The following SLC9B1 variants were observed in gnomAD, a reference collection of about 807,000 sequenced individuals.
SLC9B1 encodes sodium/hydrogen exchanger 9B1.
Under a neutral mutation model 51.7 loss-of-function variants are expected in SLC9B1, and 32 were observed. The ratio of observed to expected loss-of-function variants is 0.62; its 90% CI spans 0.47 to 0.83. SLC9B1 has a LOEUF of 0.83. SLC9B1 is among the 40% of genes least tolerant of loss of function. The pLI, the probability that SLC9B1 is intolerant of heterozygous loss-of-function variation, is 0.00. For missense variants in SLC9B1, 406 were observed against 613.2 expected (o/e 0.66, Z 3.57); for synonymous variants, 145 against 212.7 (o/e 0.68, Z 2.77).
chr4:102,941,639 CAAAAAAAAAAAAA>C (rs34497777), intron 6 of SLC9B1, among the ~76,000 whole-genome samples: 1 of 81,820 alleles, frequency 1.2e-5, no homozygotes, highest in Non-Finnish European at 2.4e-5. Context: ...GACTCCGTCT[CAAAAAAAAAAAAA>C]AAAAAAAAAC....
At chr4:102,887,233 AT>A (rs978786661) in intron 11 of SLC9B1, 11 of 700,178 alleles carry the variant, frequency 1.6e-5, no homozygotes, top group Non-Finnish European at 2.6e-5. Context: ...AAACGATCTG[AT>A]TTTTTTTAGC....
intron 2 of SLC9B1, among the ~76,000 whole-genome samples, chr4:102,991,159 G>T (rs757584902): frequency 4.6e-5 from 7 of 151,900 alleles, no homozygotes; most frequent in Non-Finnish European, 8.8e-5. Context: ...CTTAAGAACT[G>T]TAGAAATCTC....
At chr4:102,955,899 A>G (rs76373928) in intron 3 of SLC9B1, among the ~76,000 whole-genome samples, 4,921 of 107,920 alleles carry the variant, frequency 0.046, 142 homozygotes, top group East Asian at 0.12. Context: ...GAAAGAAAGA[A>G]AGAGAGAGAA....
chr4:102,962,992 A>G, intron 3 of SLC9B1: 13 of 460,364 alleles, frequency 2.8e-5, no homozygotes, highest in South Asian at 2.0e-4. Flanking sequence ...ATGAATACAA[A>G]ACTGTCCCAT....
intron 11 of SLC9B1, among the ~76,000 whole-genome samples, chr4:102,886,196 G>A (rs748073204): frequency 1.3e-5 from 2 of 152,020 alleles, no homozygotes; most frequent in Non-Finnish European, 2.9e-5. Flanking sequence ...TTTAAAAAAC[G>A]AATACACGCA....
intron 11 of SLC9B1, among the ~76,000 whole-genome samples, chr4:102,885,999 G>T (rs1459951889): frequency 6.6e-6 from 1 of 152,114 alleles, no homozygotes; most frequent in Non-Finnish European, 1.5e-5. Context: ...TCTGTTTCTT[G>T]TACTTGATCA....
chr4:102,979,583 A>G (rs908549466), intron 3 of SLC9B1, among the ~76,000 whole-genome samples: 1 of 152,048 alleles, frequency 6.6e-6, no homozygotes, highest in Non-Finnish European at 1.5e-5. Context: ...TGTTTACTCC[A>G]TTTTTCCAAG....
chr4:102,980,218 C>A (rs1411520734), intron 3 of SLC9B1, among the ~76,000 whole-genome samples: 1 of 152,090 alleles, frequency 6.6e-6, no homozygotes, highest in Admixed American at 6.6e-5. Context: ...GCAGAAATAC[C>A]ATTTGACCCA....
In SLC9B1 at chr4:103,015,392, C is replaced by T. The variant is rs1041500534; in HGVS notation, c.-2+4207G>A. Among the ~76,000 whole-genome samples the T allele has an allele frequency of 2.6e-5, 4 of 151,842 alleles. No homozygotes were observed. In the East Asian group the frequency reaches 7.7e-4, roughly 29 times the overall value. ...GAACTGTTTCACAGTAAAATGGTAA[C>T]CCATTGACCTAGAAAGTCAAGATAT... On this transcript the variant is annotated intron_variant, in intron 1 of 11. Transcript: ENST00000296422.
intron 9 of SLC9B1, among the ~76,000 whole-genome samples, 160 bp downstream of exon 9, chr4:102,910,279 C>T (rs1735276473): frequency 6.6e-6 from 1 of 152,072 alleles, no homozygotes; most frequent in South Asian, 2.1e-4. Flanking sequence ...TTTCCAGGTG[C>T]TTTTCCTAAA....
intron 6 of SLC9B1, 50 bp from the exon 7 acceptor site, chr4:102,932,349 G>C: frequency 6.7e-7 from 1 of 1,491,176 alleles, no homozygotes; most frequent in Non-Finnish European, 9.2e-7. Flanking sequence ...AAATCAAGTA[G>C]TGTTTTATAA....
chr4:102,900,098 C>T (rs1310388652), downstream of SLC9B1, among the ~76,000 whole-genome samples: 1 of 152,046 alleles, frequency 6.6e-6, no homozygotes, highest in Non-Finnish European at 1.5e-5. Context: ...ATTTTAATAC[C>T]TTGCTTGTGG....
chr4:102,892,667 CA>C (rs1560911130), intron 11 of SLC9B1: 1 of 152,076 alleles, frequency 6.6e-6, no homozygotes, highest in African/African-American at 2.4e-5. Flanking sequence ...ATAGATCAGC[CA>C]TAATGTTAAC....
At chr4:102,977,596 C>T (rs1378150010) in intron 3 of SLC9B1, among the ~76,000 whole-genome samples, 2 of 152,092 alleles carry the variant, frequency 1.3e-5, no homozygotes, top group African/African-American at 4.8e-5. Flanking sequence ...ATGTTGAGAA[C>T]GTTTTTGGGA....
intron 3 of SLC9B1, among the ~76,000 whole-genome samples, chr4:102,986,468 C>T (rs926091670): frequency 6.6e-6 from 1 of 151,990 alleles, no homozygotes; most frequent in African/African-American, 2.4e-5. Context: ...GACATTTACC[C>T]TGTTTGGTCT....
At chr4:102,941,639 CAAAAAAAAAA>C (rs34497777) in intron 6 of SLC9B1, among the ~76,000 whole-genome samples, 1 of 81,820 alleles carries the variant, frequency 1.2e-5, no homozygotes, top group Non-Finnish European at 2.4e-5. Context: ...GACTCCGTCT[CAAAAAAAAAA>C]AAAAAAAAAA....
chr4:102,961,960 C>T (rs1484840539), intron 3 of SLC9B1: 1 of 248,226 alleles, frequency 4.0e-6, no homozygotes, highest in South Asian at 4.9e-5. Flanking sequence ...CCAAGCATGG[C>T]GGGGTTCCTG....
intron 9 of SLC9B1, among the ~76,000 whole-genome samples, chr4:102,909,231 G>A (rs1407611570): frequency 1.3e-5 from 2 of 151,724 alleles, no homozygotes; most frequent in Non-Finnish European, 2.9e-5. Flanking sequence ...GCGATGTCAA[G>A]TTGGGAGGAT....
chr4:102,932,019 A>C (rs1736482439), intron 7 of SLC9B1, 105 bp downstream of exon 7: 17 of 1,042,746 alleles, frequency 1.6e-5, no homozygotes, highest in Non-Finnish European at 2.4e-5. Flanking sequence ...TGTTAAATTG[A>C]ACAGTCTTGG....
Sources: gnomAD v4.1 joint callset for allele counts (sites outside exome capture counted in the v4.1 genomes callset) on GRCh38, gnomAD v4.1.1 for gene constraint, MANE v1.5 for transcripts, NCBI Gene and HGNC (gene_info 2026-07-23, HGNC 2026-07-21) for gene names.